Variants in CADPS2 observed in about 807,000 individuals in gnomAD.
CADPS2 encodes the protein calcium dependent secretion activator 2.
CADPS2 carries 93 observed loss-of-function variants against 172.5 expected under a neutral mutation model. That is an observed-to-expected ratio of 0.54 (90% CI 0.46 to 0.64). The LOEUF (loss-of-function observed/expected upper bound fraction) is 0.64. Ranked by LOEUF, CADPS2 falls within the 30% of genes least tolerant of loss-of-function variation. CADPS2 has a pLI of 0.00. For synonymous variants in CADPS2, 546 were observed against 555.2 expected (o/e 0.98, Z 0.23); for missense variants, 1,420 against 1,565.9 (o/e 0.91, Z 1.57).
intron 2 of CADPS2, among the ~76,000 whole-genome samples, chr7:122,720,564 C>A (rs2090255824): frequency 6.6e-6 from 1 of 150,882 alleles, no homozygotes; most frequent in Non-Finnish European, 1.5e-5. Context: ...ATGCATGTGT[C>A]TGTATATACA....
intron 14 of CADPS2, among the ~76,000 whole-genome samples, chr7:122,454,743 T>C (rs540403910): frequency 6.6e-6 from 1 of 152,344 alleles, no homozygotes; most frequent in South Asian, 2.1e-4. Flanking sequence ...GTTTGTTTAA[T>C]AGACTCAGAG....
chr7:122,874,085 A>C (rs1820560901), intron 1 of CADPS2, among the ~76,000 whole-genome samples: 1 of 152,128 alleles, frequency 6.6e-6, no homozygotes, highest in Admixed American at 6.6e-5. Flanking sequence ...ATAGATTGCA[A>C]AATTTTTCTC....
At position 122,319,804 on chromosome 7, in the gene CADPS2, C is replaced by T. The variant is rs62476012; in HGVS notation, c.*361G>A. The T allele has an allele frequency of 7.2e-4, 130 of 180,372 alleles. 1 individual carries two copies. The highest frequency in any genetic ancestry group is 1.2e-3 in the Non-Finnish European group (105 of 87,298). The allele number at this position is 180,372 out of a possible 1,614,324, so 11.2% of individuals were successfully genotyped here. ...GCTGCATTATGAGAAATATGTATCTCGCTTTACACAGAAAACATCATTTTG... is the reference window on the plus strand; with the variant it reads ...GCTGCATTATGAGAAATATGTATCTTGCTTTACACAGAAAACATCATTTTG... On this transcript the variant is annotated 3_prime_UTR_variant, in exon 30 of 30. Coordinates refer to ENST00000449022, the MANE Select transcript of CADPS2 (RefSeq NM_017954.11).
intron 1 of CADPS2, among the ~76,000 whole-genome samples, chr7:122,877,200 T>A (rs535062814): frequency 6.6e-6 from 1 of 152,326 alleles, no homozygotes; most frequent in African/African-American, 2.4e-5. Context: ...AAAAAGGAAT[T>A]TGATAACATT....
chr7:122,673,235 G>T (rs1459235758), intron 2 of CADPS2, among the ~76,000 whole-genome samples: 1 of 152,210 alleles, frequency 6.6e-6, no homozygotes, highest in Non-Finnish European at 1.5e-5. Flanking sequence ...AGCGGGGAAT[G>T]GGACCCCAGC....
chr7:122,659,233 T>G (rs528499244), intron 3 of CADPS2, among the ~76,000 whole-genome samples: 1 of 142,406 alleles, frequency 7.0e-6, no homozygotes, highest in East Asian at 2.1e-4. Flanking sequence ...ATGTAAAAAG[T>G]TGAAAACATG....
intron 3 of CADPS2, among the ~76,000 whole-genome samples, chr7:122,643,749 G>C (rs1185378673): frequency 6.6e-6 from 1 of 152,018 alleles, no homozygotes; most frequent in Non-Finnish European, 1.5e-5. Context: ...TGAGGAAGGA[G>C]GGAAGGGGAG....
intron 28 of CADPS2, among the ~76,000 whole-genome samples, chr7:122,335,211 C>T (rs1403623604): frequency 6.6e-6 from 1 of 152,162 alleles, no homozygotes; most frequent in Non-Finnish European, 1.5e-5. Flanking sequence ...CTTTTACTGC[C>T]TCAAAAATAA....
chr7:122,529,258 T>A (rs1405429932), intron 8 of CADPS2, among the ~76,000 whole-genome samples: 1 of 152,038 alleles, frequency 6.6e-6, no homozygotes, highest in Non-Finnish European at 1.5e-5. Context: ...GATATATTAG[T>A]TCAAATAACT....
At chr7:122,511,282 T>C (rs1039116471) in intron 9 of CADPS2, among the ~76,000 whole-genome samples, 3 of 152,162 alleles carry the variant, frequency 2.0e-5, no homozygotes, top group African/African-American at 4.8e-5. Flanking sequence ...AATTCCTTCA[T>C]TTCCAAACTC....
intron 22 of CADPS2, among the ~76,000 whole-genome samples, chr7:122,389,325 CTT>C (rs1019776382): frequency 6.6e-6 from 1 of 151,970 alleles, no homozygotes; most frequent in Admixed American, 6.6e-5. Flanking sequence ...TAAAACCCAA[CTT>C]AGTGCAAGGT....
chr7:122,470,981 G>A (rs951339202), intron 14 of CADPS2, among the ~76,000 whole-genome samples: 38 of 152,156 alleles, frequency 2.5e-4, no homozygotes, highest in African/African-American at 7.5e-4. Context: ...TAATTCCACA[G>A]AGGAAAAGCA....
intron 1 of CADPS2, among the ~76,000 whole-genome samples, chr7:122,745,301 T>A (rs1394496146): frequency 1.3e-5 from 2 of 151,986 alleles, no homozygotes; most frequent in Admixed American, 1.3e-4. Context: ...TGATTAATCT[T>A]CTTAAAATTC....
chr7:122,476,561 C>A (rs183633923), intron 12 of CADPS2, among the ~76,000 whole-genome samples: 72 of 152,204 alleles, frequency 4.7e-4, no homozygotes, highest in African/African-American at 1.7e-3. Context: ...GGTAACAAGT[C>A]TTTCCAAATG....
intron 9 of CADPS2, among the ~76,000 whole-genome samples, chr7:122,501,900 G>GAAAAAAAAAAAAAAAAAAAAA (rs377560103): frequency 7.3e-6 from 1 of 136,668 alleles, no homozygotes; most frequent in African/African-American, 2.7e-5. Flanking sequence ...AAAAAAAAAG[G>GAAAAAAAAAAAAAAAAAAAAA]AAAAAAAAAG....
intron 12 of CADPS2, 96 bp from the exon 13 acceptor site, chr7:122,474,613 G>T: frequency 8.9e-7 from 1 of 1,119,442 alleles, no homozygotes; most frequent in Non-Finnish European, 1.3e-6. Flanking sequence ...GACTCAAGCA[G>T]AAGACTACCT....
chr7:122,726,667 G>C (rs532135667), intron 2 of CADPS2, among the ~76,000 whole-genome samples: 1 of 151,636 alleles, frequency 6.6e-6, no homozygotes, highest in African/African-American at 2.4e-5. Context: ...TTATGATGCT[G>C]TCAGGGTCAT....
At chr7:122,498,682 AG>A (rs1187455765) in intron 9 of CADPS2, among the ~76,000 whole-genome samples, 1 of 152,084 alleles carries the variant, frequency 6.6e-6, no homozygotes, top group Non-Finnish European at 1.5e-5. Context: ...TGTGTTTTGA[AG>A]TTTTGGAAGT....
chr7:122,438,668 CT>C (rs1281923496), intron 16 of CADPS2, among the ~76,000 whole-genome samples: 3 of 151,982 alleles, frequency 2.0e-5, no homozygotes, highest in Non-Finnish European at 4.4e-5. Flanking sequence ...GAATGTAATC[CT>C]CCCACCTTAG....
Sources: allele counts gnomAD v4.1 joint callset (sites outside exome capture counted in the v4.1 genomes callset), GRCh38; gene constraint gnomAD v4.1.1; transcripts MANE v1.5; gene names NCBI Gene and HGNC (gene_info 2026-07-23, HGNC 2026-07-21).